The following NUDT6 variants were observed in gnomAD, a reference collection of about 807,000 sequenced individuals.
The protein encoded by NUDT6 is nudix hydrolase 6, also known as FAD diphosphatase NUDT6.
NUDT6 carries 24 observed loss-of-function variants against 36.8 expected under a neutral mutation model. The ratio of observed to expected loss-of-function variants is 0.65; its 90% confidence interval spans 0.47 to 0.92. The LOEUF is 0.92. Ranked by LOEUF, NUDT6 falls within the 40% of genes least tolerant of loss-of-function variation. The pLI is 0.00. For missense variants in NUDT6, 388 were observed against 392.8 expected (o/e 0.99, Z 0.10); for synonymous variants, 163 against 157.0 (o/e 1.04, Z -0.29).
intron 4 of NUDT6, chr4:122,894,714 T>C: frequency 6.6e-6 from 1 of 152,232 alleles, no homozygotes. Flanking sequence ...CCCTAACATG[T>C]TTAAATGTCC....
At chr4:122,904,464 A>AT (rs34200937) in intron 3 of NUDT6, among the ~76,000 whole-genome samples, 24,031 of 146,130 alleles carry the variant, frequency 0.16, 2,294 homozygotes, top group African/African-American at 0.27. Flanking sequence ...ACTTTCTATA[A>AT]TTTTTTTTTT....
intron 3 of NUDT6, among the ~76,000 whole-genome samples, chr4:122,898,784 T>C (rs1727443179): frequency 6.6e-6 from 1 of 152,250 alleles, no homozygotes; most frequent in Admixed American, 6.5e-5. Flanking sequence ...ATCAATGCAC[T>C]GTCTTCTAGA....
intron 1 of NUDT6, chr4:122,920,888 A>G (rs1169097700): frequency 1.3e-5 from 2 of 152,254 alleles, no homozygotes; most frequent in Non-Finnish European, 2.9e-5. Flanking sequence ...CATTGAAATA[A>G]CTAGCTCAAT....
intron 1 of NUDT6, chr4:122,920,029 T>C (rs1727934802): frequency 6.6e-6 from 1 of 152,234 alleles, no homozygotes; most frequent in South Asian, 2.1e-4. Flanking sequence ...TAACAACATA[T>C]TGCCTGTTTA....
chr4:122,917,290 G>A (rs1212246904), intron 2 of NUDT6, among the ~76,000 whole-genome samples: 3 of 152,142 alleles, frequency 2.0e-5, no homozygotes, highest in Admixed American at 1.3e-4. Context: ...AAAAAACATG[G>A]TATATATACA....
intron 1 of NUDT6, chr4:122,921,555 C>T (rs2150813098): frequency 7.3e-6 from 1 of 137,574 alleles, no homozygotes; most frequent in South Asian, 2.4e-4. Context: ...CTGATCCTAC[C>T]ACTGCACTCT....
chr4:122,915,846 A>G (rs1315131523), intron 2 of NUDT6, among the ~76,000 whole-genome samples: 1 of 152,122 alleles, frequency 6.6e-6, no homozygotes, highest in Non-Finnish European at 1.5e-5. Flanking sequence ...CTGAACGGAG[A>G]GTTTCTGAAT....
chr4:122,912,696 A>G (rs1460444760), intron 2 of NUDT6, 73 bp from the exon 3 acceptor site: 2 of 925,094 alleles, frequency 2.2e-6, no homozygotes, highest in Non-Finnish European at 3.5e-6. Context: ...CACACTCTCT[A>G]TCTGTGGTGA....
intron 3 of NUDT6, among the ~76,000 whole-genome samples, chr4:122,902,752 C>T (rs1022059471): frequency 1.3e-5 from 2 of 152,004 alleles, no homozygotes; most frequent in Non-Finnish European, 2.9e-5. Context: ...CCTTTATTAC[C>T]TAAAATATTG....
At chr4:122,915,509 C>A (rs1330842832) in intron 2 of NUDT6, among the ~76,000 whole-genome samples, 1 of 145,218 alleles carries the variant, frequency 6.9e-6, no homozygotes, top group Non-Finnish European at 1.5e-5. Context: ...CAACTCTGCA[C>A]CTTTCCAGAA....
At chr4:122,917,079 C>T (rs999092380) in intron 2 of NUDT6, among the ~76,000 whole-genome samples, 2 of 152,126 alleles carry the variant, frequency 1.3e-5, no homozygotes, top group Admixed American at 6.5e-5. Flanking sequence ...GGTCATAATG[C>T]CTGTCATTCA....
chr4:122,922,179 C>A, intron 1 of NUDT6, 156 bp downstream of exon 1: 2 of 579,234 alleles, frequency 3.5e-6, no homozygotes, highest in Non-Finnish European at 5.6e-6. Flanking sequence ...GGTCTAAGCA[C>A]GAATGCTCCA....
At chr4:122,911,004 T>A (rs1367652057) in intron 3 of NUDT6, among the ~76,000 whole-genome samples, 1 of 152,222 alleles carries the variant, frequency 6.6e-6, no homozygotes, top group Non-Finnish European at 1.5e-5. Context: ...TAGAAGTAAC[T>A]GCTACATACC....
intron 2 of NUDT6, among the ~76,000 whole-genome samples, chr4:122,915,462 C>T (rs1307781503): frequency 1.0e-5 from 1 of 95,806 alleles, no homozygotes; most frequent in Non-Finnish European, 1.9e-5. Flanking sequence ...AAAGTGAGAC[C>T]CTGCCTCAAA....
rs1471354837 is a variant in NUDT6, at chr4:122,922,320, C to T, written c.238+15G>A. Reference sequence around the variant, plus strand: ...CTCTGGAGCCCCGGGAGCCCTTCGTCCCAGGCGCACTTGCCCTGCAAGCCC... The same window carrying T: ...CTCTGGAGCCCCGGGAGCCCTTCGTTCCAGGCGCACTTGCCCTGCAAGCCC... On this transcript the variant is annotated intron_variant, in intron 1 of 4. Transcript: ENST00000304430. 3 of 1,592,236 alleles carry T rather than the reference C, an allele frequency of 1.9e-6. No homozygotes were observed. The highest frequency in any genetic ancestry group is 2.2e-5 in the South Asian group (2 of 89,650).
At chr4:122,904,400 A>G (rs1362312851) in intron 3 of NUDT6, among the ~76,000 whole-genome samples, 2 of 152,048 alleles carry the variant, frequency 1.3e-5, no homozygotes, top group Non-Finnish European at 2.9e-5. Context: ...ATTTGTAGCA[A>G]CATCCCCTCC....
intron 3 of NUDT6, among the ~76,000 whole-genome samples, chr4:122,909,955 G>A (rs960274912): frequency 3.3e-5 from 5 of 152,184 alleles, no homozygotes; most frequent in African/African-American, 1.2e-4. Context: ...TTGTCATTAG[G>A]TCTGGATCTC....
intron 1 of NUDT6, 170 bp from the exon 2 acceptor site, chr4:122,917,874 C>T: frequency 1.7e-6 from 1 of 604,920 alleles, no homozygotes; most frequent in East Asian, 2.8e-5. Context: ...ATAGTAACCA[C>T]CTTGTTTATA....
At chr4:122,901,931 G>C (rs1019019059) in intron 3 of NUDT6, among the ~76,000 whole-genome samples, 6 of 152,040 alleles carry the variant, frequency 3.9e-5, no homozygotes, top group African/African-American at 1.5e-4. Context: ...TCAGAGCAAG[G>C]GCACAGACCT....
Sources: gnomAD v4.1 joint callset for allele counts (sites outside exome capture counted in the v4.1 genomes callset) on GRCh38, gnomAD v4.1.1 for gene constraint, MANE v1.5 for transcripts, NCBI Gene and HGNC (gene_info 2026-07-23, HGNC 2026-07-21) for gene names.